NPAS3: variants seen among roughly 807,000 people sequenced by gnomAD.
NPAS3 encodes the protein neuronal PAS domain-containing protein 3.
Under a neutral mutation model 73.1 loss-of-function variants are expected in NPAS3, and 14 were observed. That is an observed-to-expected ratio of 0.19 (90% CI 0.13 to 0.30). NPAS3 has a LOEUF of 0.30. Among genes scored for constraint, NPAS3 ranks in the 10% least tolerant of loss-of-function variants. The pLI is 1.00. For missense variants in NPAS3, 1,096 were observed against 1,250.0 expected, an observed-to-expected ratio of 0.88 and a Z score of 1.86; for synonymous variants, 620 against 541.5, an observed-to-expected ratio of 1.14 and a Z score of -2.01.
At chr14:33,095,074 A>G (rs2042361254) in intron 2 of NPAS3, among the ~76,000 whole-genome samples, 1 of 152,240 alleles carries the variant, frequency 6.6e-6, no homozygotes, top group Non-Finnish European at 1.5e-5. Flanking sequence ...GGGACATTGA[A>G]CAAGTGACAG....
chr14:33,202,470 A>C (rs1483603932), intron 2 of NPAS3, among the ~76,000 whole-genome samples: 1 of 152,154 alleles, frequency 6.6e-6, no homozygotes, highest in Non-Finnish European at 1.5e-5. Flanking sequence ...TGGTTAAAAT[A>C]ACGAATTTGT....
chr14:33,204,063 G>A (rs963254016), intron 2 of NPAS3, among the ~76,000 whole-genome samples: 23 of 152,162 alleles, frequency 1.5e-4, no homozygotes, highest in Non-Finnish European at 2.9e-5. Context: ...GCGTTTCTCT[G>A]ATGGCCGGTG....
chr14:33,522,019 G>A (rs551913819), intron 4 of NPAS3, among the ~76,000 whole-genome samples: 20 of 152,232 alleles, frequency 1.3e-4, no homozygotes, highest in African/African-American at 7.2e-5. Context: ...GGTTACTCTT[G>A]TAGAAGGTTT....
intron 1 of NPAS3, among the ~76,000 whole-genome samples, chr14:32,943,693 C>CTTT (rs11331212): frequency 1.6e-5 from 2 of 122,316 alleles, no homozygotes; most frequent in Admixed American, 8.1e-5. Context: ...TTTTCTTTTT[C>CTTT]TTTTTTTTTT....
At chr14:33,037,515 A>C (rs1595293064) in intron 1 of NPAS3, among the ~76,000 whole-genome samples, 1 of 151,678 alleles carries the variant, frequency 6.6e-6, no homozygotes, top group African/African-American at 2.4e-5. Flanking sequence ...AAAAAGAAAA[A>C]ATTAGGTTGG....
At chr14:33,095,433 A>G in intron 2 of NPAS3, among the ~76,000 whole-genome samples, 1 of 152,286 alleles carries the variant, frequency 6.6e-6, no homozygotes, top group Non-Finnish European at 1.5e-5. Context: ...ATTCAGTGCT[A>G]ATCCTAATAA....
At chr14:33,518,621 C>T (rs1016797971) in intron 4 of NPAS3, among the ~76,000 whole-genome samples, 3 of 117,974 alleles carry the variant, frequency 2.5e-5, no homozygotes, top group Non-Finnish European at 5.5e-5. Flanking sequence ...GGCATGTTAC[C>T]ATGCCTTTGC....
intron 6 of NPAS3, among the ~76,000 whole-genome samples, chr14:33,700,504 T>G (rs2060497645): frequency 6.6e-6 from 1 of 152,260 alleles, no homozygotes; most frequent in South Asian, 2.1e-4. Flanking sequence ...AGGATGATTT[T>G]ATTAACACAT....
intron 6 of NPAS3, among the ~76,000 whole-genome samples, chr14:33,724,311 T>A (rs1425828742): frequency 6.6e-6 from 1 of 152,154 alleles, no homozygotes; most frequent in East Asian, 1.9e-4. Context: ...TAAATATGTA[T>A]TCAAACATAA....
At chr14:33,201,300 G>GGTGTGTGTGTGT (rs34700439) in intron 2 of NPAS3, among the ~76,000 whole-genome samples, 11 of 150,922 alleles carry the variant, frequency 7.3e-5, no homozygotes, top group South Asian at 2.1e-4. Flanking sequence ...CCCTAACAAT[G>GGTGTGTGTGTGT]GTGTGTGTGT....
chr14:33,479,619 A>G (rs1030956648), intron 4 of NPAS3, among the ~76,000 whole-genome samples: 5 of 152,200 alleles, frequency 3.3e-5, no homozygotes, highest in African/African-American at 7.2e-5. Flanking sequence ...CAAAGTTCTT[A>G]TAGGAGTTGG....
At chr14:33,769,345 T>G (rs1390071425) in intron 7 of NPAS3, among the ~76,000 whole-genome samples, 3 of 152,252 alleles carry the variant, frequency 2.0e-5, no homozygotes, top group Non-Finnish European at 4.4e-5. Context: ...AAGTACAAAC[T>G]GTTCACAGGG....
At chr14:33,188,022 C>T (rs565775519) in intron 2 of NPAS3, among the ~76,000 whole-genome samples, 1 of 152,276 alleles carries the variant, frequency 6.6e-6, no homozygotes, top group Admixed American at 6.5e-5. Flanking sequence ...GGTTAAGTAA[C>T]TTGCCTATGA....
chr14:33,649,919 G>A (rs1268783317), intron 5 of NPAS3, among the ~76,000 whole-genome samples: 1 of 152,152 alleles, frequency 6.6e-6, no homozygotes, highest in Non-Finnish European at 1.5e-5. Flanking sequence ...GGCCAGGGAA[G>A]AGGTCTTTAA....
At chr14:33,123,501 G>A (rs924128438) in intron 2 of NPAS3, among the ~76,000 whole-genome samples, 7 of 152,228 alleles carry the variant, frequency 4.6e-5, no homozygotes, top group Non-Finnish European at 8.8e-5. Flanking sequence ...TTGCTGAAGT[G>A]GGTGGGGGCA....
intron 9 of NPAS3, among the ~76,000 whole-genome samples, chr14:33,783,594 G>A (rs1400910486): frequency 7.1e-6 from 1 of 141,100 alleles, no homozygotes; most frequent in Admixed American, 7.1e-5. Context: ...TTTTGGGGGG[G>A]TGGTGTGGGG....
At chr14:33,231,213 T>TA (rs1358843407) in intron 3 of NPAS3, among the ~76,000 whole-genome samples, 5 of 152,240 alleles carry the variant, frequency 3.3e-5, no homozygotes, top group African/African-American at 1.2e-4. Flanking sequence ...TCACAGTTTT[T>TA]ATATATCAGA....
intron 3 of NPAS3, among the ~76,000 whole-genome samples, chr14:33,265,725 GC>G (rs1173747851): frequency 6.6e-6 from 1 of 151,636 alleles, no homozygotes; most frequent in Non-Finnish European, 1.5e-5. Flanking sequence ...TAGATCTGGG[GC>G]CCAAGCTTGT....
chr14:33,544,822 TATA>T lies in NPAS3; in HGVS notation c.469-15298_469-15296del, dbSNP rs572651209. ...TATATATATATATATGTATATATAA[TATA>T]TATGTGTATATATATATTATATATA... On this transcript the variant is annotated intron_variant, in intron 4 of 11. Transcript: ENST00000356141. Among the ~76,000 whole-genome samples, 186 of 60,870 alleles carry T rather than the reference TATA, an allele frequency of 3.1e-3. 17 individuals are homozygous for T. Among genetic ancestry groups the T allele is most frequent in the South Asian group, 0.01 (25 of 2,458 alleles). The allele number at this position is 60,870 out of a possible 152,430, so 39.9% of individuals were successfully genotyped here. A position where few individuals can be genotyped will look rare whatever the true frequency, so the allele number is the denominator to read the frequency against.
Sources: gnomAD v4.1 joint callset for allele counts (sites outside exome capture counted in the v4.1 genomes callset) on GRCh38, gnomAD v4.1.1 for gene constraint, MANE v1.5 for transcripts, NCBI Gene and HGNC (gene_info 2026-07-23, HGNC 2026-07-21) for gene names.